DLC1: variants seen among roughly 807,000 people sequenced by gnomAD.
The protein encoded by DLC1 is DLC1 Rho GTPase activating protein.
Under a neutral mutation model 140.3 loss-of-function variants are expected in DLC1, and 54 were observed. The ratio of observed to expected loss-of-function variants is 0.38; its 90% CI spans 0.31 to 0.48. The LOEUF is 0.48. Among genes scored for constraint, DLC1 ranks in the 20% least tolerant of loss-of-function variants. DLC1 has a pLI of 0.96. For synonymous variants in DLC1, 986 were observed against 728.1 expected (o/e 1.35, Z -5.70); for missense variants, 2,536 against 1,907.0 (o/e 1.33, Z -6.14).
At chr8:13,248,226 T>C (rs1339604908) in intron 5 of DLC1, among the ~76,000 whole-genome samples, 2 of 152,230 alleles carry the variant, frequency 1.3e-5, no homozygotes, top group East Asian at 3.8e-4. Context: ...ATTGACATCA[T>C]ATTTAATTGA....
At chr8:13,579,367 AT>A (rs1804982980) in intron 1 of DLC1, among the ~76,000 whole-genome samples, 1 of 52,320 alleles carries the variant, frequency 1.9e-5, no homozygotes. Context: ...ATATATTTTT[AT>A]ATAATACATA....
intron 5 of DLC1, among the ~76,000 whole-genome samples, chr8:13,273,772 A>AAG (rs145053861): frequency 1.5e-5 from 2 of 133,090 alleles, no homozygotes; most frequent in South Asian, 5.1e-4. Flanking sequence ...GGGAGGGAGC[A>AAG]AGAGAGAGAG....
chr8:13,224,728 G>A (rs1828709756), intron 5 of DLC1, among the ~76,000 whole-genome samples: 1 of 152,162 alleles, frequency 6.6e-6, no homozygotes, highest in African/African-American at 2.4e-5. Context: ...ACAGGACAGT[G>A]TGCACAGGAA....
intron 5 of DLC1, among the ~76,000 whole-genome samples, chr8:13,188,829 ATATATATATATATATTTTTTTT>A (rs1826562675): frequency 3.7e-5 from 1 of 27,198 alleles, no homozygotes; most frequent in Non-Finnish European, 7.4e-5. Context: ...ATATATATGT[ATATATATATATATATTTTTTTT>A]TTTTTTTTTT....
At chr8:13,406,322 C>T (rs1264017046) in intron 2 of DLC1, among the ~76,000 whole-genome samples, 3 of 151,442 alleles carry the variant, frequency 2.0e-5, no homozygotes, top group Non-Finnish European at 4.4e-5. Context: ...CTGACCTTGC[C>T]CAGTTCTTTA....
intron 5 of DLC1, among the ~76,000 whole-genome samples, chr8:13,247,683 G>C (rs1829825143): frequency 6.6e-6 from 1 of 152,134 alleles, no homozygotes; most frequent in Non-Finnish European, 1.5e-5. Flanking sequence ...ATGCTTAACT[G>C]CCCTAACACC....
At chr8:13,292,001 T>C (rs1831775543) in intron 5 of DLC1, among the ~76,000 whole-genome samples, 1 of 152,032 alleles carries the variant, frequency 6.6e-6, no homozygotes. Flanking sequence ...TTTTTTTTTT[T>C]TCTATCTTCT....
At chr8:13,472,774 G>A (rs1393657938) in intron 2 of DLC1, among the ~76,000 whole-genome samples, 1 of 152,188 alleles carries the variant, frequency 6.6e-6, no homozygotes, top group Non-Finnish European at 1.5e-5. Flanking sequence ...TAATTAAACT[G>A]TGTTATAACC....
At chr8:13,429,760 A>G (rs550208027) in intron 2 of DLC1, among the ~76,000 whole-genome samples, 1 of 152,330 alleles carries the variant, frequency 6.6e-6, no homozygotes, top group Non-Finnish European at 1.5e-5. Flanking sequence ...TCTTGCTCAG[A>G]AAGACACACA....
chr8:13,149,221 CT>C (rs1443225750), intron 5 of DLC1, among the ~76,000 whole-genome samples: 1 of 152,174 alleles, frequency 6.6e-6, no homozygotes, highest in Non-Finnish European at 1.5e-5. Flanking sequence ...TCCATTTGCC[CT>C]TCCTAGTTCA....
rs35659748 is a variant in DLC1, at chr8:13,132,761, C to G, written c.1349-17104G>C. 0.15 allele frequency among the ~76,000 whole-genome samples: 23,190 copies of G among 152,220 alleles called. 1,879 individuals carry two copies. The highest frequency in any genetic ancestry group is 0.18 in the African/African-American group (7,338 of 41,522). The stretch of plus-strand genomic sequence containing the variant: ...TCCTCCAAAATTCAAACTCCCTCCC[C>G]AAACTGCGAGTCCTGCTATCCCCAC... On this transcript the variant is annotated intron_variant, in intron 5 of 17. Coordinates refer to ENST00000276297, the MANE Select transcript of DLC1 (RefSeq NM_182643.3).
At chr8:13,595,020 G>GA (rs561713576) in intron 1 of DLC1, among the ~76,000 whole-genome samples, 41 of 145,928 alleles carry the variant, frequency 2.8e-4, no homozygotes, top group Middle Eastern at 3.6e-3. Flanking sequence ...ATTGTTGTGA[G>GA]AAAAAAAAAA....
intron 8 of DLC1, 130 bp downstream of exon 8, chr8:13,102,660 A>T: frequency 1.2e-6 from 1 of 803,900 alleles, no homozygotes; most frequent in Admixed American, 2.0e-5. Flanking sequence ...AGGCGATATC[A>T]TTCAAGATGT....
In DLC1 at chr8:13,083,383, T is replaced by G. The variant is rs551366890; in HGVS notation, c.*2428A>C. ...CAGTTCAGTATAGCAAATAATAAAT[T>G]TATTAGGTGCCTACAAGTACAAAAT... is the stretch of plus-strand genomic sequence containing the variant. On this transcript the variant is annotated 3_prime_UTR_variant, in exon 18 of 18. Coordinates refer to ENST00000276297, the MANE Select transcript of DLC1 (RefSeq NM_182643.3). 1 of 152,112 alleles carries G rather than the reference T, an allele frequency of 6.6e-6. No homozygotes were observed. The highest frequency in any genetic ancestry group is 2.4e-5 in the African/African-American group (1 of 41,496). The allele number at this position is 152,112 out of a possible 1,614,324, so 9.4% of individuals were successfully genotyped here. A position where few individuals can be genotyped will look rare whatever the true frequency, so the allele number is the denominator to read the frequency against.
intron 5 of DLC1, among the ~76,000 whole-genome samples, chr8:13,212,395 A>G (rs927963073): frequency 1.3e-5 from 2 of 152,142 alleles, no homozygotes; most frequent in African/African-American, 4.8e-5. Context: ...CTGCTCTGCT[A>G]GGTTTCATGA....
chr8:13,433,760 T>C (rs779442143), intron 2 of DLC1, among the ~76,000 whole-genome samples: 14 of 152,256 alleles, frequency 9.2e-5, no homozygotes, highest in Non-Finnish European at 1.9e-4. Context: ...CTGAAAAAAA[T>C]GGCAACAATT....
rs529430988 is a variant in DLC1, at chr8:13,276,366, G to C, written c.1348+28903C>G. The C allele has an allele frequency of 2.6e-6, 4 of 1,521,044 alleles. No individual in the cohort carries two copies. In the East Asian group the frequency reaches 1.0e-4, roughly 39 times the overall value. 94.2% of individuals were successfully genotyped at this position (1,521,044 alleles called of 1,614,324 possible). On this transcript the variant is annotated intron_variant, in intron 5 of 17. Coordinates refer to ENST00000276297, the MANE Select transcript of DLC1 (RefSeq NM_182643.3). ...GGACCTCCGGAGAGGGGCTCGCAGG[G>C]GGCGCGCCATCACGTGGGCCTTGGG...
intron 5 of DLC1, among the ~76,000 whole-genome samples, chr8:13,216,148 A>G (rs529280875): frequency 6.6e-6 from 1 of 152,160 alleles, no homozygotes; most frequent in South Asian, 2.1e-4. Flanking sequence ...AGCCTTCCAC[A>G]CTCTGGCACC....
At chr8:13,431,539 A>G (rs1838872222) in intron 2 of DLC1, among the ~76,000 whole-genome samples, 1 of 147,056 alleles carries the variant, frequency 6.8e-6, no homozygotes, top group Admixed American at 6.9e-5. Context: ...CATTGATGTC[A>G]CAACTCTGTC....
Sources: gnomAD v4.1 joint callset for allele counts (sites outside exome capture counted in the v4.1 genomes callset) on GRCh38, gnomAD v4.1.1 for gene constraint, MANE v1.5 for transcripts, NCBI Gene and HGNC (gene_info 2026-07-23, HGNC 2026-07-21) for gene names.